ZNF573: variants seen among roughly 807,000 people sequenced by gnomAD.
The protein encoded by ZNF573 is zinc finger protein 573.
In ZNF573, 41 loss-of-function variants were observed where a neutral mutation model predicts 57.4. That is an observed-to-expected ratio of 0.71 (90% confidence interval 0.56 to 0.93). ZNF573 has a LOEUF of 0.93. ZNF573 is among the 40% of genes least tolerant of loss of function. The pLI is 0.00. For missense variants in ZNF573, 730 were observed against 794.8 expected (o/e 0.92, Z 0.98); for synonymous variants, 249 against 261.0 (o/e 0.95, Z 0.44).
At chr19:37,749,788 G>T (rs974744402) in intron 4 of ZNF573, among the ~76,000 whole-genome samples, 1 of 152,104 alleles carries the variant, frequency 6.6e-6, no homozygotes, top group Non-Finnish European at 1.5e-5. Flanking sequence ...CTCAGCTATA[G>T]CTCTCCACAC....
At chr19:37,776,994 T>C (rs530599212) in intron 1 of ZNF573, among the ~76,000 whole-genome samples, 2 of 152,290 alleles carry the variant, frequency 1.3e-5, no homozygotes, top group South Asian at 4.1e-4. Context: ...TAATAGATGT[T>C]GCCATGGTTG....
At chr19:37,756,094 C>A (rs1423984983) in intron 4 of ZNF573, among the ~76,000 whole-genome samples, 1 of 152,192 alleles carries the variant, frequency 6.6e-6, no homozygotes, top group Non-Finnish European at 1.5e-5. Context: ...TGTGAAAAGG[C>A]TGTTGGCTCC....
intron 4 of ZNF573, among the ~76,000 whole-genome samples, chr19:37,766,326 G>A (rs1247781001): frequency 6.6e-6 from 1 of 151,994 alleles, no homozygotes; most frequent in East Asian, 1.9e-4. Flanking sequence ...AAACAGAGAA[G>A]TGGACCTACC....
At chr19:37,772,874 A>T (rs934400618) in intron 2 of ZNF573, 35 of 856,298 alleles carry the variant, frequency 4.1e-5, no homozygotes, top group Non-Finnish European at 4.8e-5. Context: ...GCCTCAAGTG[A>T]TCCTCCCGCC....
At position 37,770,030 on chromosome 19, in the gene ZNF573, A is replaced by G; in HGVS notation, c.270T>C (p.Ile90=). Reference sequence around the variant, plus strand: ...CTGTGAACTGTGTTTCTTCCCTCAAAATCATCCAGGGCTCTTTTCCTCGCT... The same window carrying G: ...CTGTGAACTGTGTTTCTTCCCTCAAGATCATCCAGGGCTCTTTTCCTCGCT... The part of the protein sequence containing the change: ...LLERGKEPWM[I]LREETQFTDL... The change falls in exon 4 of 5, where the codon ATT becomes ATC. Residue 90 remains isoleucine, a synonymous_variant. Transcript: ENST00000536220. The G allele has an allele frequency of 1.9e-6, 3 of 1,551,916 alleles. No individual in the cohort carries two copies. Among genetic ancestry groups the G allele is most frequent in the Non-Finnish European group, 2.6e-6 (3 of 1,147,196 alleles).
At chr19:37,770,873 T>TATGTATATATATA (rs1599707908) in intron 3 of ZNF573, among the ~76,000 whole-genome samples, 1 of 129,776 alleles carries the variant, frequency 7.7e-6, no homozygotes, top group East Asian at 2.6e-4. Flanking sequence ...TATATATATA[T>TATGTATATATATA]TCCCCCTCCC....
intron 1 of ZNF573, among the ~76,000 whole-genome samples, chr19:37,775,311 C>A (rs2145337918): frequency 6.6e-6 from 1 of 152,250 alleles, no homozygotes; most frequent in South Asian, 2.1e-4. Flanking sequence ...AGCTACCACG[C>A]CTGGCCTAGT....
At chr19:37,756,126 G>A (rs1294781831) in intron 4 of ZNF573, among the ~76,000 whole-genome samples, 5 of 152,214 alleles carry the variant, frequency 3.3e-5, no homozygotes, top group Admixed American at 3.3e-4. Context: ...TGGGCACAGA[G>A]TTGTTATATC....
chr19:37,764,155 A>C (rs902483005), intron 4 of ZNF573, among the ~76,000 whole-genome samples: 1 of 152,036 alleles, frequency 6.6e-6, no homozygotes, highest in African/African-American at 2.4e-5. Flanking sequence ...AATTGGTACT[A>C]AGGAATAAGA....
chr19:37,739,346 C>T lies in ZNF573; in HGVS notation c.1144G>A (p.Gly382Ser). The change falls in exon 5 of 5, where the codon GGT becomes AGT. Residue 382 changes from glycine to serine, a missense_variant. Transcript: ENST00000536220. ...TGCTTGCATTCAAAAAGTTTCTCACCAGTATGAATATTCTGATGCCGAGTA... is the reference window on the plus strand; with the variant it reads ...TGCTTGCATTCAAAAAGTTTCTCACTAGTATGAATATTCTGATGCCGAGTA... ...NLTRHQNIHTGEKLFECKQCG... is the reference protein window; with the variant it reads ...NLTRHQNIHTSEKLFECKQCG... The T allele has an allele frequency of 6.2e-7, 1 of 1,613,996 alleles. No homozygotes were observed. The highest frequency in any genetic ancestry group is 8.5e-7 in the Non-Finnish European group (1 of 1,179,996).
intron 1 of ZNF573, among the ~76,000 whole-genome samples, chr19:37,776,245 C>T (rs950859463): frequency 3.9e-5 from 6 of 152,142 alleles, no homozygotes; most frequent in African/African-American, 1.2e-4. Context: ...TACTACAAGA[C>T]AATCGTTACC....
At chr19:37,768,864 C>T (rs558304852) in intron 4 of ZNF573, among the ~76,000 whole-genome samples, 1 of 110,238 alleles carries the variant, frequency 9.1e-6, no homozygotes, top group South Asian at 3.2e-4. Context: ...GACGGGGTTT[C>T]ACCGTGTTAG....
At chr19:37,755,434 A>G (rs1240181648) in intron 4 of ZNF573, among the ~76,000 whole-genome samples, 1 of 152,250 alleles carries the variant, frequency 6.6e-6, no homozygotes, top group African/African-American at 2.4e-5. Flanking sequence ...TGACATTTCA[A>G]CAAGTTCTTG....
Position 37,740,023 on chromosome 19 carries a change from T to C in ZNF573, c.467A>G (p.His156Arg). 1 of 1,614,154 alleles carries C rather than the reference T, an allele frequency of 6.2e-7. No individual in the cohort carries two copies. The highest frequency in any genetic ancestry group is 8.5e-7 in the Non-Finnish European group (1 of 1,180,002). The change falls in exon 5 of 5, where the codon CAT becomes CGT. Residue 156 changes from histidine (H) to arginine (R), a missense_variant. Coordinates refer to ENST00000536220, the MANE Select transcript of ZNF573 (RefSeq NM_001172690.2). ...GYQLILHHRF[H>R]VIERPYECKE... ...GCATTCATAGGGTCTCTCAATGACA[T>C]GAAACCTGTGATGTAGAATAAGTTG...
At chr19:37,752,421 TA>T (rs1203199542) in intron 4 of ZNF573, among the ~76,000 whole-genome samples, 2 of 152,018 alleles carry the variant, frequency 1.3e-5, no homozygotes, top group Non-Finnish European at 2.9e-5. Flanking sequence ...TATTCAGCCA[TA>T]AAAAAAGAAT....
chr19:37,743,666 C>T (rs1184080666), intron 4 of ZNF573, among the ~76,000 whole-genome samples: 1 of 152,148 alleles, frequency 6.6e-6, no homozygotes, highest in Non-Finnish European at 1.5e-5. Context: ...ATAAATCATT[C>T]TACTAGAAAG....
intron 4 of ZNF573, among the ~76,000 whole-genome samples, chr19:37,759,933 T>G (rs553080912): frequency 6.6e-6 from 1 of 152,168 alleles, no homozygotes; most frequent in South Asian, 2.1e-4. Context: ...TATGTAAAAT[T>G]TGGACAAGAT....
chr19:37,741,044 A>G (rs2045322429), intron 4 of ZNF573, among the ~76,000 whole-genome samples: 1 of 152,236 alleles, frequency 6.6e-6, no homozygotes, highest in Non-Finnish European at 1.5e-5. Context: ...TGCAGAACCC[A>G]TAGATACAAA....
chr19:37,765,561 T>C (rs1349397737), intron 4 of ZNF573, among the ~76,000 whole-genome samples: 2 of 151,764 alleles, frequency 1.3e-5, no homozygotes, highest in Non-Finnish European at 2.9e-5. Flanking sequence ...AAGCACAAAA[T>C]TAGCTGGGTG....
Sources: allele counts gnomAD v4.1 joint callset (sites outside exome capture counted in the v4.1 genomes callset), GRCh38; gene constraint gnomAD v4.1.1; transcripts MANE v1.5; gene names NCBI Gene and HGNC (gene_info 2026-07-23, HGNC 2026-07-21).